Variants in CD109 observed in about 807,000 individuals in gnomAD.
The protein encoded by CD109 is CD109 antigen.
CD109 carries 149 observed loss-of-function variants against 165.8 expected under a neutral mutation model. The ratio of observed to expected loss-of-function variants is 0.90; its 90% CI spans 0.79 to 1.03. The LOEUF (loss-of-function observed/expected upper bound fraction) is 1.03. Ranked by LOEUF, CD109 falls within the 50% of genes least tolerant of loss-of-function variation. The probability of loss-of-function intolerance (pLI) is 0.00; values close to 1 mark genes in which losing one functional copy is unlikely to be tolerated. For missense variants in CD109, 1,712 were observed against 1,677.8 expected, an observed-to-expected ratio of 1.02 and a Z score of -0.36; for synonymous variants, 585 against 592.1, an observed-to-expected ratio of 0.99 and a Z score of 0.18.
chr6:73,704,562 C>A (rs1393108513), intron 2 of CD109, among the ~76,000 whole-genome samples: 1 of 152,158 alleles, frequency 6.6e-6, no homozygotes, highest in African/African-American at 2.4e-5. Context: ...CTGGATGAGT[C>A]ACTGTCCTAG....
chr6:73,703,755 C>G (rs1333654873), intron 2 of CD109, among the ~76,000 whole-genome samples: 1 of 147,360 alleles, frequency 6.8e-6, no homozygotes, highest in Non-Finnish European at 1.5e-5. Flanking sequence ...ACTATTTGTT[C>G]TGTATAAGGG....
chr6:73,736,274 A>T (rs1772540832), intron 4 of CD109, 109 bp from the exon 5 acceptor site: 3 of 1,180,262 alleles, frequency 2.5e-6, no homozygotes, highest in Non-Finnish European at 2.4e-6. Context: ...ATTTTGGAGT[A>T]AAGTTCTGGA....
chr6:73,695,379 G>C (rs145781527), upstream of CD109: 1 of 152,358 alleles, frequency 6.6e-6, no homozygotes, highest in African/African-American at 2.4e-5. Context: ...CATTCTGACA[G>C]GAGAGCCAAC....
intron 2 of CD109, among the ~76,000 whole-genome samples, chr6:73,717,866 A>C (rs948848729): frequency 6.6e-6 from 1 of 151,318 alleles, no homozygotes; most frequent in African/African-American, 2.4e-5. Flanking sequence ...TGATCCGCCC[A>C]CCTCGGCCTC....
At chr6:73,780,960 A>G (rs1349903735) in intron 16 of CD109, among the ~76,000 whole-genome samples, 6 of 149,624 alleles carry the variant, frequency 4.0e-5, no homozygotes, top group Non-Finnish European at 7.4e-5. Flanking sequence ...AGAAAGATCA[A>G]TGTGTATGTG....
rs751257599 is a variant in CD109, at chr6:73,808,146, G to A, written c.3253G>A (p.Asp1085Asn). The change falls in exon 26 of 33, where the codon GAC becomes AAC. Residue 1085 changes from aspartate (D) to asparagine (N), a missense_variant. Coordinates refer to ENST00000287097, the MANE Select transcript of CD109 (RefSeq NM_133493.5). ...LESEFSRGIS[D>N]NYTLALITYA... ...GTCTGAATTCAGTAGAGGAATTTCAGACAATTATACTCTAGCCCTTATAAC... is the reference window on the plus strand; with the variant it reads ...GTCTGAATTCAGTAGAGGAATTTCAAACAATTATACTCTAGCCCTTATAAC... 16 of 1,613,344 alleles carry A rather than the reference G, an allele frequency of 9.9e-6. No individual in the cohort carries two copies. The Admixed American group carries it at 1.5e-4, about 15-fold the overall frequency.
At chr6:73,820,356 A>C (rs1776067292) in intron 31 of CD109, 105 bp from the exon 32 acceptor site, 3 of 599,882 alleles carry the variant, frequency 5.0e-6, no homozygotes, top group African/African-American at 1.9e-5. Context: ...ATCCTCCCTA[A>C]GTGTTAGTCT....
intron 17 of CD109, among the ~76,000 whole-genome samples, chr6:73,782,240 A>G (rs1774535232): frequency 6.6e-6 from 1 of 152,232 alleles, no homozygotes; most frequent in African/African-American, 2.4e-5. Context: ...TGAAGTCATT[A>G]TGATCTCTCT....
intron 26 of CD109, among the ~76,000 whole-genome samples, chr6:73,809,396 C>T (rs1032431301): frequency 2.0e-5 from 3 of 152,036 alleles, no homozygotes; most frequent in African/African-American, 7.2e-5. Flanking sequence ...AGATAAGTAA[C>T]GTGCATTATC....
intron 2 of CD109, among the ~76,000 whole-genome samples, chr6:73,706,507 T>A (rs941038200): frequency 6.6e-6 from 1 of 152,184 alleles, no homozygotes; most frequent in Non-Finnish European, 1.5e-5. Context: ...TCACTCTTAG[T>A]GTGGGCCAAG....
chr6:73,811,294 TGAA>T, intron 28 of CD109, 147 bp downstream of exon 28: 1 of 930,338 alleles, frequency 1.1e-6, no homozygotes, highest in Admixed American at 3.2e-5. Context: ...CTTCTTTGGC[TGAA>T]TTTGCTGAGC....
intron 3 of CD109, among the ~76,000 whole-genome samples, chr6:73,729,488 ATTG>A (rs201126123): frequency 4.9e-5 from 6 of 122,556 alleles, no homozygotes; most frequent in East Asian, 2.2e-4. Flanking sequence ...TAGGACTTCT[ATTG>A]TTATTATTAT....
In CD109 at chr6:73,699,078, G is replaced by A. The variant is rs919575710; in HGVS notation, c.247+1506G>A. Among the ~76,000 whole-genome samples, 16 of 152,238 alleles carry A rather than the reference G, an allele frequency of 1.1e-4. No homozygotes were observed. The East Asian group carries it at 2.3e-3, about 22-fold the overall frequency. The stretch of plus-strand genomic sequence containing the variant: ...TACATGGGGGCAGACTTCAACTTTC[G>A]TTATTGGACTATCATTTCTGAAAAT... On this transcript the variant is annotated intron_variant, in intron 2 of 32. Transcript: ENST00000287097.
chr6:73,768,202 A>T lies in CD109; in HGVS notation c.1645A>T (p.Ile549Phe), dbSNP rs142958853. The T allele has an allele frequency of 6.3e-7, 1 of 1,586,820 alleles. No homozygotes were observed. The highest frequency in any genetic ancestry group is 2.2e-5 in the East Asian group (1 of 44,584). ...DGEIISDVLK[I>F]PVQLVFKNKI... is the part of the protein sequence containing the mutation. ...GGAAATTATAAGTGATGTTCTAAAA[A>T]TTCCTGTTCAGCTTGTTTTTAAAAA... Residue 549 changes from isoleucine to phenylalanine, a missense_variant, in exon 14 of 33, where the codon ATT becomes TTT. By Grantham distance (21) the Ile-to-Phe change is conservative (BLOSUM62 0). Coordinates refer to ENST00000287097, the MANE Select transcript of CD109 (RefSeq NM_133493.5).
At chr6:73,704,917 C>T (rs1026189089) in intron 2 of CD109, among the ~76,000 whole-genome samples, 2 of 152,106 alleles carry the variant, frequency 1.3e-5, no homozygotes, top group Non-Finnish European at 2.9e-5. Flanking sequence ...GTATGTGAGC[C>T]TGTGCCTGGT....
At chr6:73,711,338 T>C (rs1417456879) in intron 2 of CD109, among the ~76,000 whole-genome samples, 1 of 152,142 alleles carries the variant, frequency 6.6e-6, no homozygotes, top group African/African-American at 2.4e-5. Context: ...ATTAAGATAT[T>C]TGTAAGCAAA....
At chr6:73,812,542 T>C (rs1184854082) in intron 29 of CD109, among the ~76,000 whole-genome samples, 1 of 152,148 alleles carries the variant, frequency 6.6e-6, no homozygotes, top group Non-Finnish European at 1.5e-5. Flanking sequence ...TCCTCCAATA[T>C]GATTCCTGAT....
At position 73,763,598 on chromosome 6, in the gene CD109, T is replaced by G; in HGVS notation, c.1020T>G (p.Thr340=). The G allele has an allele frequency of 6.3e-7, 1 of 1,586,510 alleles. No homozygotes were observed. Among genetic ancestry groups the G allele is most frequent in the Non-Finnish European group, 8.6e-7 (1 of 1,162,948 alleles). ...SVTGISRNVS[T]NVFFKQHDYI... ...AAGGTATTTCAAGAAATGTAAGCAC[T>G]AATGTGTTCTTCAAGCAACATGATT... is the stretch of plus-strand genomic sequence containing the variant. The change falls in exon 10 of 33, where the codon ACT becomes ACG. Residue 340 remains threonine, a synonymous_variant. Transcript: ENST00000287097.
At chr6:73,721,082 A>G (rs1403360377) in intron 2 of CD109, among the ~76,000 whole-genome samples, 1 of 152,176 alleles carries the variant, frequency 6.6e-6, no homozygotes. Context: ...TACTATGTAT[A>G]TCTGTTCCAC....
Sources: allele counts gnomAD v4.1 joint callset (sites outside exome capture counted in the v4.1 genomes callset), GRCh38; gene constraint gnomAD v4.1.1; transcripts MANE v1.5; gene names NCBI Gene and HGNC (gene_info 2026-07-23, HGNC 2026-07-21).